Variants in GRM8 observed in about 807,000 individuals in gnomAD.
GRM8 encodes metabotropic glutamate receptor 8.
A neutral mutation model predicts 87.2 loss-of-function variants in GRM8; 47 were observed. The ratio of observed to expected loss-of-function variants is 0.54; its 90% confidence interval spans 0.43 to 0.69. The LOEUF (loss-of-function observed/expected upper bound fraction) is 0.69, where lower values mean the gene tolerates loss of function less well. Among genes scored for constraint, GRM8 ranks in the 30% least tolerant of loss-of-function variants. The pLI is 0.00. For missense variants in GRM8, 1,019 were observed against 1,139.2 expected (o/e 0.89, Z 1.52); for synonymous variants, 396 against 404.5 (o/e 0.98, Z 0.25).
In GRM8 at chr7:127,084,438, G is replaced by A. The variant is rs1480296916; in HGVS notation, c.727+22058C>T. Reference sequence around the variant, plus strand: ...TACCTGAAATGTGGGAGTAGACGAAGGGGCATTAGATACACTATAAACCAT... The same window carrying A: ...TACCTGAAATGTGGGAGTAGACGAAAGGGCATTAGATACACTATAAACCAT... On this transcript the variant is annotated intron_variant, in intron 3 of 10. Transcript: ENST00000339582. 2.0e-5 allele frequency: 3 copies of A among 152,254 alleles called. No individual in the cohort carries two copies. The East Asian group carries it at 5.8e-4, about 29-fold the overall frequency. 9.4% of individuals were successfully genotyped at this position (152,254 alleles called of 1,614,324 possible). A position where few individuals can be genotyped will look rare whatever the true frequency, so the allele number is the denominator to read the frequency against.
chr7:127,206,911 T>A (rs1795946577), intron 2 of GRM8, among the ~76,000 whole-genome samples: 1 of 152,110 alleles, frequency 6.6e-6, no homozygotes, highest in Admixed American at 6.5e-5. Flanking sequence ...CAGCAGCTGG[T>A]CTAAGGCAGT....
chr7:126,992,141 G>A (rs1445725240), intron 3 of GRM8, among the ~76,000 whole-genome samples: 1 of 152,172 alleles, frequency 6.6e-6, no homozygotes, highest in Non-Finnish European at 1.5e-5. Context: ...ACAGTGCCTT[G>A]CTTAGTTACA....
At chr7:126,724,464 T>C (rs1169880300) in intron 7 of GRM8, among the ~76,000 whole-genome samples, 1 of 152,246 alleles carries the variant, frequency 6.6e-6, no homozygotes, top group East Asian at 1.9e-4. Context: ...CCCTGAATGA[T>C]TGCCTGGAGG....
chr7:126,866,347 C>T, intron 6 of GRM8, among the ~76,000 whole-genome samples: 1 of 150,664 alleles, frequency 6.6e-6, no homozygotes, highest in African/African-American at 2.4e-5. Context: ...TTGCAAATAT[C>T]TTCTCTTATT....
intron 8 of GRM8, among the ~76,000 whole-genome samples, chr7:126,591,382 T>C (rs1796652724): frequency 6.6e-6 from 1 of 152,030 alleles, no homozygotes; most frequent in African/African-American, 2.4e-5. Flanking sequence ...TATAAAATGA[T>C]TACTACTAGA....
intron 3 of GRM8, among the ~76,000 whole-genome samples, chr7:127,063,949 G>A (rs934202165): frequency 2.0e-5 from 3 of 152,148 alleles, no homozygotes; most frequent in African/African-American, 7.2e-5. Context: ...GATTTTCAAA[G>A]TCTTGACTTT....
At chr7:126,893,714 G>A (rs1337917347) in intron 6 of GRM8, among the ~76,000 whole-genome samples, 1 of 151,934 alleles carries the variant, frequency 6.6e-6, no homozygotes, top group Non-Finnish European at 1.5e-5. Flanking sequence ...GAGGGCAGAT[G>A]TTTAGCACAA....
intron 6 of GRM8, among the ~76,000 whole-genome samples, chr7:126,880,441 G>C (rs1401768701): frequency 6.6e-6 from 1 of 152,162 alleles, no homozygotes; most frequent in African/African-American, 2.4e-5. Flanking sequence ...TAACTAAATA[G>C]ATTGAACTAA....
chr7:127,028,932 T>G (rs1290476019), intron 3 of GRM8, among the ~76,000 whole-genome samples: 2 of 152,168 alleles, frequency 1.3e-5, no homozygotes, highest in Non-Finnish European at 2.9e-5. Flanking sequence ...GATGTTAGGG[T>G]GTCAATTTTA....
At chr7:126,562,571 C>G (rs963945213) in intron 8 of GRM8, among the ~76,000 whole-genome samples, 2 of 152,152 alleles carry the variant, frequency 1.3e-5, no homozygotes, top group African/African-American at 4.8e-5. Flanking sequence ...TAAATTTAAA[C>G]ATGAAATTCA....
intron 3 of GRM8, among the ~76,000 whole-genome samples, chr7:126,934,559 C>T (rs976884413): frequency 1.3e-5 from 2 of 152,132 alleles, no homozygotes; most frequent in African/African-American, 4.8e-5. Flanking sequence ...ACAGAAATCT[C>T]AGATTCTTTG....
At chr7:126,999,847 A>G (rs1813546163) in intron 3 of GRM8, among the ~76,000 whole-genome samples, 1 of 151,890 alleles carries the variant, frequency 6.6e-6, no homozygotes, top group Non-Finnish European at 1.5e-5. Flanking sequence ...AAAAACTGAA[A>G]ATAGAGTGAC....
chr7:126,477,579 G>GAGAGAAAGAAAGAAAGAAAGAA lies in GRM8; in HGVS notation c.2431-31229_2431-31208dup, dbSNP rs1554445994. ...GAAGTAAGAGAAAGAAAGAAAGAAAGAGAGAAAGAAAGAAAGAAAGAAAGA... is the reference window on the plus strand; with the variant it reads ...GAAGTAAGAGAAAGAAAGAAAGAAAGAGAGAAAGAAAGAAAGAAAGAAAGAGAAAGAAAGAAAGAAAGAAAGA... On this transcript the variant is annotated intron_variant, in intron 9 of 10. Transcript: ENST00000339582. Among the ~76,000 whole-genome samples the GAGAGAAAGAAAGAAAGAAAGAA allele has an allele frequency of 5.1e-3, 412 of 81,564 alleles. 1 individual carries two copies. Among genetic ancestry groups the GAGAGAAAGAAAGAAAGAAAGAA allele is most frequent in the African/African-American group, 0.016 (397 of 24,648 alleles). The allele number at this position is 81,564 out of a possible 152,430, so 53.5% of individuals were successfully genotyped here.
At chr7:126,900,612 C>CAA (rs1421098266) in intron 6 of GRM8, among the ~76,000 whole-genome samples, 1 of 152,056 alleles carries the variant, frequency 6.6e-6, no homozygotes, top group Non-Finnish European at 1.5e-5. Flanking sequence ...CGGGTTCAAG[C>CAA]AATTCTCCTG....
At chr7:126,512,504 C>A (rs1348973620) in intron 9 of GRM8, 1 of 152,160 alleles carries the variant, frequency 6.6e-6, no homozygotes, top group Admixed American at 6.6e-5. Context: ...CACCATCAAT[C>A]CCTCTGTGGT....
At chr7:126,824,387 A>C (rs1300505801) in intron 6 of GRM8, among the ~76,000 whole-genome samples, 1 of 152,212 alleles carries the variant, frequency 6.6e-6, no homozygotes, top group East Asian at 1.9e-4. Flanking sequence ...GAAACCAATA[A>C]ATAAAATGTA....
intron 6 of GRM8, among the ~76,000 whole-genome samples, chr7:126,849,428 A>T (rs1400419481): frequency 6.6e-6 from 1 of 152,204 alleles, no homozygotes; most frequent in African/African-American, 2.4e-5. Flanking sequence ...TAGAGAAGGT[A>T]ATAAGCAGAG....
At chr7:126,909,685 T>A (rs1803091158) in intron 3 of GRM8, among the ~76,000 whole-genome samples, 1 of 152,236 alleles carries the variant, frequency 6.6e-6, no homozygotes, top group Non-Finnish European at 1.5e-5. Flanking sequence ...GATCATTTGT[T>A]GAATTTAACA....
At chr7:126,609,002 T>G (rs144923632) in intron 8 of GRM8, among the ~76,000 whole-genome samples, 5 of 152,122 alleles carry the variant, frequency 3.3e-5, no homozygotes, top group Non-Finnish European at 1.5e-5. Flanking sequence ...TAAGCCCAAA[T>G]TTATAAATGA....
Sources: gnomAD v4.1 joint callset for allele counts (sites outside exome capture counted in the v4.1 genomes callset) on GRCh38, gnomAD v4.1.1 for gene constraint, MANE v1.5 for transcripts, NCBI Gene and HGNC (gene_info 2026-07-23, HGNC 2026-07-21) for gene names.